CTNNA3: variants seen among roughly 807,000 people sequenced by gnomAD.
CTNNA3 encodes the protein catenin alpha-3.
Under a neutral mutation model 95.7 loss-of-function variants are expected in CTNNA3, and 76 were observed. The ratio of observed to expected loss-of-function variants is 0.79; its 90% confidence interval spans 0.66 to 0.96. CTNNA3 has a LOEUF of 0.96. CTNNA3 is among the 40% of genes least tolerant of loss of function. CTNNA3 has a pLI of 0.00. For synonymous variants in CTNNA3, 431 were observed against 374.4 expected (o/e 1.15, Z -1.74); for missense variants, 1,191 against 1,089.8 (o/e 1.09, Z -1.31).
At chr10:67,532,449 T>C (rs546225074) in intron 4 of CTNNA3, among the ~76,000 whole-genome samples, 17 of 152,356 alleles carry the variant, frequency 1.1e-4, no homozygotes, top group Non-Finnish European at 2.1e-4. Flanking sequence ...AAATGCTTTA[T>C]AAAATTATGT....
chr10:66,519,838 C>G (rs1840995026), intron 11 of CTNNA3, among the ~76,000 whole-genome samples: 1 of 152,108 alleles, frequency 6.6e-6, no homozygotes. Flanking sequence ...GTGTCCTGAA[C>G]TTTGGCAAAA....
chr10:66,653,529 C>T (rs1845979458), intron 9 of CTNNA3, among the ~76,000 whole-genome samples: 1 of 151,910 alleles, frequency 6.6e-6, no homozygotes, highest in South Asian at 2.1e-4. Flanking sequence ...CTGTATTATT[C>T]CAAGCAATCT....
At chr10:67,691,161 T>C (rs1840842556) in intron 1 of CTNNA3, among the ~76,000 whole-genome samples, 1 of 152,198 alleles carries the variant, frequency 6.6e-6, no homozygotes. Flanking sequence ...CCCAAGGTGC[T>C]GGGATTGCAG....
At chr10:66,730,761 G>A (rs1848935186) in intron 9 of CTNNA3, among the ~76,000 whole-genome samples, 1 of 152,158 alleles carries the variant, frequency 6.6e-6, no homozygotes, top group Non-Finnish European at 1.5e-5. Context: ...GTGGAAGGAA[G>A]GCACTGCTAA....
At chr10:66,105,975 A>G (rs1200268101) in intron 13 of CTNNA3, among the ~76,000 whole-genome samples, 1 of 152,178 alleles carries the variant, frequency 6.6e-6, no homozygotes, top group Non-Finnish European at 1.5e-5. Flanking sequence ...TTGGGAGGCC[A>G]AGGCGGGTGG....
At chr10:66,919,338 GA>G (rs1015246738) in intron 7 of CTNNA3, among the ~76,000 whole-genome samples, 10 of 151,926 alleles carry the variant, frequency 6.6e-5, no homozygotes, top group African/African-American at 1.9e-4. Context: ...CTGAAAGGAA[GA>G]AAAAAAAGTA....
chr10:66,074,053 G>A (rs1334882131), intron 14 of CTNNA3, among the ~76,000 whole-genome samples: 1 of 151,872 alleles, frequency 6.6e-6, no homozygotes, highest in Non-Finnish European at 1.5e-5. Context: ...TTCTAAAACT[G>A]TAGATTTGCC....
At chr10:65,975,540 C>T (rs79835194) in intron 16 of CTNNA3, among the ~76,000 whole-genome samples, 1,757 of 152,150 alleles carry the variant, frequency 0.012, 30 homozygotes, top group African/African-American at 0.039. Context: ...AACTGTAAGA[C>T]GCAAATATTT....
intron 13 of CTNNA3, among the ~76,000 whole-genome samples, chr10:66,194,785 G>C (rs1442647035): frequency 6.6e-6 from 1 of 152,080 alleles, no homozygotes; most frequent in Non-Finnish European, 1.5e-5. Context: ...TTATTCACCA[G>C]CTGAAGCCTA....
At chr10:66,342,937 T>C (rs1209472409) in intron 12 of CTNNA3, among the ~76,000 whole-genome samples, 4 of 152,152 alleles carry the variant, frequency 2.6e-5, no homozygotes, top group Non-Finnish European at 5.9e-5. Flanking sequence ...AAGAATCTTT[T>C]CATTGTTTTA....
intron 15 of CTNNA3, among the ~76,000 whole-genome samples, chr10:66,016,695 C>A (rs115164550): frequency 6.6e-6 from 1 of 152,102 alleles, no homozygotes; most frequent in Non-Finnish European, 1.5e-5. Flanking sequence ...CTCAGTAGAA[C>A]TAGTCCCTAT....
chr10:66,800,965 A>G (rs1400197698), intron 7 of CTNNA3, among the ~76,000 whole-genome samples: 1 of 151,310 alleles, frequency 6.6e-6, no homozygotes, highest in Non-Finnish European at 1.5e-5. Context: ...AACAAAATAT[A>G]ATTTTTCACA....
chr10:66,913,412 C>T (rs1846325138), intron 7 of CTNNA3, among the ~76,000 whole-genome samples: 1 of 152,102 alleles, frequency 6.6e-6, no homozygotes, highest in Non-Finnish European at 1.5e-5. Context: ...GGGCTACAGT[C>T]TTAATTCATA....
chr10:66,422,141 TCTTTA>T (rs1402717438), intron 11 of CTNNA3, among the ~76,000 whole-genome samples: 10 of 152,088 alleles, frequency 6.6e-5, no homozygotes, highest in Middle Eastern at 3.4e-3. Context: ...ACAAATATAT[TCTTTA>T]CTTTATAATC....
At chr10:66,586,699 A>G (rs1283378258) in intron 10 of CTNNA3, among the ~76,000 whole-genome samples, 1 of 152,092 alleles carries the variant, frequency 6.6e-6, no homozygotes, top group Non-Finnish European at 1.5e-5. Flanking sequence ...GGGGAAAAAG[A>G]AATCACCTTC....
intron 5 of CTNNA3, among the ~76,000 whole-genome samples, chr10:67,296,249 G>C (rs1487555043): frequency 6.6e-6 from 1 of 152,170 alleles, no homozygotes; most frequent in Non-Finnish European, 1.5e-5. Flanking sequence ...CCACAATGCA[G>C]TACAGCATCA....
At chr10:67,439,377 A>G (rs1353852420) in intron 5 of CTNNA3, among the ~76,000 whole-genome samples, 1 of 152,146 alleles carries the variant, frequency 6.6e-6, no homozygotes, top group Non-Finnish European at 1.5e-5. Flanking sequence ...TGTTCAGCTC[A>G]TAAGGAGGTC....
At chr10:67,700,452 C>T (rs1841027422), upstream of CTNNA3, among the ~76,000 whole-genome samples, 1 of 152,212 alleles carries the variant, frequency 6.6e-6, no homozygotes, top group Non-Finnish European at 1.5e-5. Flanking sequence ...GATCAGACAG[C>T]AGCATTCACG....
At chr10:66,549,317 A>G (rs1189892757) in intron 10 of CTNNA3, among the ~76,000 whole-genome samples, 1 of 152,056 alleles carries the variant, frequency 6.6e-6, no homozygotes, top group African/African-American at 2.4e-5. Context: ...TTGAATGTCT[A>G]ATTGAATTAA....
Sources: gnomAD v4.1 joint callset for allele counts (sites outside exome capture counted in the v4.1 genomes callset) on GRCh38, gnomAD v4.1.1 for gene constraint, MANE v1.5 for transcripts, NCBI Gene and HGNC (gene_info 2026-07-23, HGNC 2026-07-21) for gene names.